Variants in KIAA1958 observed in about 807,000 individuals in gnomAD.
KIAA1958 encodes KIAA1958, also known as uncharacterized protein KIAA1958.
KIAA1958 carries 14 observed loss-of-function variants against 47.2 expected under a neutral mutation model. That is an observed-to-expected ratio of 0.30 (90% confidence interval 0.20 to 0.46). KIAA1958 has a LOEUF of 0.46. KIAA1958 is among the 20% of genes least tolerant of loss of function. The pLI, the probability that KIAA1958 is intolerant of heterozygous loss-of-function variation, is 1.00. For missense variants in KIAA1958, 803 were observed against 909.2 expected (o/e 0.88, Z 1.50); for synonymous variants, 354 against 353.3 (o/e 1.00, Z -0.02).
chr9:112,528,757 G>C (rs1043982357), intron 1 of KIAA1958, among the ~76,000 whole-genome samples: 1 of 151,946 alleles, frequency 6.6e-6, no homozygotes, highest in Non-Finnish European at 1.5e-5. Context: ...TGACTTAGGT[G>C]ATCCGCCCAC....
chr9:112,594,817 T>C (rs558284582), intron 2 of KIAA1958, among the ~76,000 whole-genome samples: 2 of 152,322 alleles, frequency 1.3e-5, no homozygotes, highest in African/African-American at 4.8e-5. Flanking sequence ...ATTGTTTTCC[T>C]AAGTGGTTGT....
chr9:112,506,044 T>G (rs1425836247), intron 1 of KIAA1958, among the ~76,000 whole-genome samples: 1 of 152,170 alleles, frequency 6.6e-6, no homozygotes, highest in Non-Finnish European at 1.5e-5. Context: ...TGGATATAAT[T>G]AAGAATGAAC....
intron 1 of KIAA1958, among the ~76,000 whole-genome samples, chr9:112,524,351 C>T (rs1056983802): frequency 1.3e-5 from 2 of 152,216 alleles, no homozygotes; most frequent in Non-Finnish European, 2.9e-5. Flanking sequence ...ATGGCTTTGG[C>T]GTGCTCCGCG....
chr9:112,665,415 C>G lies in KIAA1958; in HGVS notation c.*5346C>G, dbSNP rs1837340137. The stretch of plus-strand genomic sequence containing the variant: ...TATTTCCATTTTACTTATTGAGAAT[C>G]TAGGCTCAGAGGAGTTAAAATTCTG... On this transcript the variant is annotated 3_prime_UTR_variant, in exon 4 of 4. Coordinates refer to ENST00000337530, the MANE Select transcript of KIAA1958 (RefSeq NM_133465.4). 1 of 152,176 alleles carries G rather than the reference C, an allele frequency of 6.6e-6. No individual in the cohort carries two copies. Among genetic ancestry groups the G allele is most frequent in the African/African-American group, 2.4e-5 (1 of 41,444 alleles). 9.4% of individuals were successfully genotyped at this position (152,176 alleles called of 1,614,324 possible).
chr9:112,657,319 T>G lies in KIAA1958; in HGVS notation c.1345-1944T>G, dbSNP rs543292732. ...CATGTTGGCCAGGCTGGTCTTAAACTGACCTCAAGTGATCCTCCTGCCTCA... is the reference window on the plus strand; with the variant it reads ...CATGTTGGCCAGGCTGGTCTTAAACGGACCTCAAGTGATCCTCCTGCCTCA... On this transcript the variant is annotated intron_variant, in intron 3 of 3. Transcript: ENST00000337530. Among the ~76,000 whole-genome samples the G allele has an allele frequency of 2.7e-3, 412 of 152,142 alleles. 1 individual carries two copies. The highest frequency in any genetic ancestry group is 3.2e-3 in the Non-Finnish European group (220 of 67,992).
intron 1 of KIAA1958, among the ~76,000 whole-genome samples, chr9:112,498,381 C>A (rs1195694315): frequency 6.6e-6 from 1 of 152,086 alleles, no homozygotes; most frequent in Non-Finnish European, 1.5e-5. Context: ...CAAGATTTTT[C>A]TTTTCCCTCC....
intron 2 of KIAA1958, among the ~76,000 whole-genome samples, chr9:112,593,897 C>T (rs183246942): frequency 3.9e-4 from 59 of 151,538 alleles, no homozygotes; most frequent in African/African-American, 1.4e-3. Context: ...CAGAGTCTTG[C>T]TCTGTCACCC....
At chr9:112,606,332 A>C (rs1836234254) in intron 2 of KIAA1958, among the ~76,000 whole-genome samples, 1 of 152,200 alleles carries the variant, frequency 6.6e-6, no homozygotes, top group Non-Finnish European at 1.5e-5. Context: ...TGCCCATTAA[A>C]ATTTCATTTC....
At position 112,668,151 on chromosome 9, in the gene KIAA1958, G is replaced by T. The variant is rs1013394342; in HGVS notation, c.*8082G>T. The T allele has an allele frequency of 1.0e-5, 1 of 99,352 alleles. No individual in the cohort carries two copies. The highest frequency in any genetic ancestry group is 3.8e-4 in the East Asian group (1 of 2,652). The allele number at this position is 99,352 out of a possible 1,614,324, so 6.2% of individuals were successfully genotyped here. ...AGTCCACTGCTTCCAAGTGAGAAAA[G>T]CCAAGGAGTCCCCTGCGTTGGGGGT... On this transcript the variant is annotated 3_prime_UTR_variant, in exon 4 of 4. Transcript: ENST00000337530.
At chr9:112,501,312 T>C (rs1834133683) in intron 1 of KIAA1958, among the ~76,000 whole-genome samples, 1 of 151,502 alleles carries the variant, frequency 6.6e-6, no homozygotes, top group Non-Finnish European at 1.5e-5. Context: ...GCATGATGGC[T>C]CATGCCTGTA....
intron 1 of KIAA1958, among the ~76,000 whole-genome samples, chr9:112,532,574 C>G (rs1199933330): frequency 6.6e-6 from 1 of 152,134 alleles, no homozygotes; most frequent in Non-Finnish European, 1.5e-5. Flanking sequence ...ATAGAAGGTT[C>G]TGATGTGTGT....
chr9:112,611,771 A>G (rs2806317), intron 2 of KIAA1958, among the ~76,000 whole-genome samples: 4 of 151,922 alleles, frequency 2.6e-5, no homozygotes, highest in Non-Finnish European at 5.9e-5. Context: ...TTTAAAATAT[A>G]CTGGAATGTT....
intron 2 of KIAA1958, among the ~76,000 whole-genome samples, chr9:112,628,113 G>A (rs190516042): frequency 6.6e-6 from 1 of 152,320 alleles, no homozygotes; most frequent in Admixed American, 6.5e-5. Context: ...AAAGAAGGCT[G>A]CTTCCTGAAG....
rs530281586 is a variant in KIAA1958 at position 112,575,057 on chromosome 9, C to T, written c.977C>T (p.Ser326Phe). The T allele has an allele frequency of 6.2e-7, 1 of 1,613,874 alleles. No homozygotes were observed. Among genetic ancestry groups the T allele is most frequent in the African/African-American group, 1.3e-5 (1 of 75,058 alleles). The stretch of plus-strand genomic sequence containing the variant: ...AACAAACAGATCAGTATCCCCTTGT[C>T]TGCCCTGCAGCTGCCTGGACAGGAT... ...HPNKQISIPL[S>F]ALQLPGQDEQ... The change falls in exon 2 of 4, where the codon TCT becomes TTT. Residue 326 changes from serine (S) to phenylalanine (F), a missense_variant. Around this residue, in one of 2 missense-constraint regions of KIAA1958, gnomAD observed 761 missense variants for 829.3 expected, o/e 0.92. Transcript: ENST00000337530.
intron 1 of KIAA1958, among the ~76,000 whole-genome samples, chr9:112,493,266 C>A (rs79240922): frequency 2.0e-5 from 3 of 151,794 alleles, no homozygotes; most frequent in Non-Finnish European, 2.9e-5. Flanking sequence ...AATATCTAGT[C>A]GGGGCTTTTC....
chr9:112,581,693 G>T (rs1360155857), intron 2 of KIAA1958: 1 of 156,608 alleles, frequency 6.4e-6, no homozygotes, highest in African/African-American at 2.4e-5. Context: ...ACACTAAAGG[G>T]GAAGGGAAGG....
In KIAA1958 at chr9:112,618,206, A is replaced by G. The variant is rs1409800818; in HGVS notation, c.1172-27444A>G. 2 of 1,550,620 alleles carry G rather than the reference A, an allele frequency of 1.3e-6. No homozygotes were observed. Among genetic ancestry groups the G allele is most frequent in the Non-Finnish European group, 1.7e-6 (2 of 1,147,002 alleles). Reference sequence around the variant, plus strand: ...CCAAGAGGCCCTGAAGCAGAAGCAAATTGAACTCCGCTGTAAAGGAAAAGG... The same window carrying G: ...CCAAGAGGCCCTGAAGCAGAAGCAAGTTGAACTCCGCTGTAAAGGAAAAGG... On this transcript the variant is annotated intron_variant, in intron 2 of 3. Transcript: ENST00000337530. The surrounding 1 kb of genome is among the most constrained non-coding windows in gnomAD (Gnocchi z 7.1).
At chr9:112,554,759 C>T (rs1480124853) in intron 1 of KIAA1958, among the ~76,000 whole-genome samples, 3 of 152,052 alleles carry the variant, frequency 2.0e-5, no homozygotes, top group Non-Finnish European at 4.4e-5. Flanking sequence ...TTCCACTGCA[C>T]AGCCTGATTT....
At chr9:112,546,368 C>G (rs1433199201) in intron 1 of KIAA1958, among the ~76,000 whole-genome samples, 1 of 152,142 alleles carries the variant, frequency 6.6e-6, no homozygotes, top group Non-Finnish European at 1.5e-5. Flanking sequence ...TCCTAGAAAA[C>G]TTATGAATAA....
Sources: allele counts gnomAD v4.1 joint callset (sites outside exome capture counted in the v4.1 genomes callset), GRCh38; gene constraint gnomAD v4.1.1; regional missense constraint gnomAD v4.1.1; non-coding constraint Gnocchi (gnomAD v3.1); transcripts MANE v1.5; gene names NCBI Gene and HGNC (gene_info 2026-07-23, HGNC 2026-07-21).